The following PLS3 variants were observed in gnomAD, a reference collection of about 807,000 sequenced individuals.
PLS3 encodes plastin-3.
PLS3 carries 11 observed loss-of-function variants against 46.5 expected under a neutral mutation model. The ratio of observed to expected loss-of-function variants is 0.24; its 90% CI spans 0.15 to 0.39. The LOEUF (loss-of-function observed/expected upper bound fraction) is 0.39. Among genes scored for constraint, PLS3 ranks in the 10% least tolerant of loss-of-function variants. The pLI, the probability that PLS3 is intolerant of heterozygous loss-of-function variation, is 1.00. For missense variants in PLS3, 308 were observed against 461.8 expected, an observed-to-expected ratio of 0.67 and a Z score of 3.05; for synonymous variants, 167 against 162.2, an observed-to-expected ratio of 1.03 and a Z score of -0.22.
In PLS3 at chrX:115,579,263, T is replaced by G. The variant is rs141908115; in HGVS notation, c.-9+18003T>G. 3.6e-4 allele frequency among the ~76,000 whole-genome samples: 41 copies of G among 112,441 alleles called. 1 individual carries two copies. In the East Asian group the frequency reaches 0.01, roughly 28 times the overall value. The stretch of plus-strand genomic sequence containing the variant: ...GTCAATACCTCGTTCCTTTTCATTG[T>G]TGAATAGTATTCCATGGTGTGTATG... On this transcript the variant is annotated intron_variant, in intron 1 of 15. Coordinates refer to ENST00000355899, the MANE Select transcript of PLS3 (RefSeq NM_005032.7).
chrX:115,611,628 A>G (rs2074549566), intron 2 of PLS3, among the ~76,000 whole-genome samples: 1 of 112,082 alleles, frequency 8.9e-6, no homozygotes, highest in Admixed American at 9.5e-5. Context: ...ACCATGCCTT[A>G]TTAAGTACTC....
chrX:115,625,932 A>C (rs782121256), intron 3 of PLS3, among the ~76,000 whole-genome samples: 24 of 112,482 alleles, frequency 2.1e-4, no homozygotes, highest in African/African-American at 7.7e-4. Context: ...CGGAGACTGA[A>C]AAAGATGTAT....
rs1365563291 is a variant in PLS3, at chrX:115,579,560, A to C, written c.-9+18300A>C. Among the ~76,000 whole-genome samples the C allele has an allele frequency of 1.8e-4, 20 of 111,933 alleles. No homozygotes were observed. In the Admixed American group the frequency reaches 1.8e-3, roughly 10 times the overall value. On this transcript the variant is annotated intron_variant, in intron 1 of 15. Coordinates refer to ENST00000355899, the MANE Select transcript of PLS3 (RefSeq NM_005032.7). ...GATCCAGTTTTTCCACATCCTTGCC[A>C]GCCTTTGGTGGTGTCACTGTTTTTC... is the stretch of plus-strand genomic sequence containing the variant.
In PLS3 at chrX:115,635,024, C is replaced by T; in HGVS notation, c.726C>T (p.Asp242=). The change falls in exon 7 of 16, where the codon GAC becomes GAT. Residue 242 remains aspartate, a synonymous_variant. Transcript: ENST00000355899. The part of the protein sequence containing the change: ...WQIIKIGLFA[D]IELSRNEALA... ...TCATTAAGATCGGTTTGTTCGCTGA[C>T]ATTGAATTAAGCAGGAATGAAGGTA... 8.3e-7 allele frequency: 1 copy of T among 1,207,741 alleles called. No homozygotes were observed. The highest frequency in any genetic ancestry group is 1.1e-6 in the Non-Finnish European group (1 of 893,347).
chrX:115,640,264 G>T, intron 8 of PLS3, 144 bp from the exon 9 acceptor site: 1 of 625,854 alleles, frequency 1.6e-6, no homozygotes, highest in South Asian at 2.8e-5. Flanking sequence ...CTTTTCTGGG[G>T]AAAACACCTG....
chrX:115,563,194 A>G (rs1556629762), intron 1 of PLS3, among the ~76,000 whole-genome samples: 1 of 111,966 alleles, frequency 8.9e-6, no homozygotes, highest in Non-Finnish European at 1.9e-5. Context: ...CCTATATTCT[A>G]ATTGAACTGT....
intron 3 of PLS3, among the ~76,000 whole-genome samples, chrX:115,625,130 T>C (rs781941879): frequency 2.7e-4 from 30 of 111,952 alleles, no homozygotes; most frequent in African/African-American, 8.7e-4. Flanking sequence ...GGGTAGAGCT[T>C]AGTTATCCAA....
chrX:115,648,621 T>C (rs1377746958), intron 15 of PLS3, among the ~76,000 whole-genome samples: 1 of 111,147 alleles, frequency 9.0e-6, no homozygotes, highest in Non-Finnish European at 1.9e-5. Context: ...CCTTACTAGT[T>C]AGACATTGAA....
chrX:115,574,655 C>T lies in PLS3; in HGVS notation c.-9+13395C>T, dbSNP rs192824849. Among the ~76,000 whole-genome samples the T allele has an allele frequency of 9.0e-5, 10 of 110,944 alleles. No homozygotes were observed. The East Asian group carries it at 2.9e-3, about 32-fold the overall frequency. ...AGTGCAATGGCACGATCTCGGCTCA[C>T]CGTAACCTCCGCCTCCCAGATTCAA... On this transcript the variant is annotated intron_variant, in intron 1 of 15. Coordinates refer to ENST00000355899, the MANE Select transcript of PLS3 (RefSeq NM_005032.7).
intron 7 of PLS3, 88 bp from the exon 8 acceptor site, chrX:115,636,748 A>T (rs896538947): frequency 5.6e-5 from 47 of 836,434 alleles, no homozygotes; most frequent in Middle Eastern, 3.1e-4. Context: ...CACCTCTATT[A>T]CTTAACAGTG....
At chrX:115,636,539 A>G (rs1257189357) in intron 7 of PLS3, among the ~76,000 whole-genome samples, 1 of 112,061 alleles carries the variant, frequency 8.9e-6, no homozygotes, top group African/African-American at 3.2e-5. Context: ...TTAAATAAGA[A>G]CAACTTATAC....
intron 5 of PLS3, among the ~76,000 whole-genome samples, chrX:115,631,484 A>G (rs1290734886): frequency 9.0e-6 from 1 of 111,132 alleles, no homozygotes; most frequent in Non-Finnish European, 1.9e-5. Context: ...GCTCACGCCC[A>G]GCCCTTTGGG....
At chrX:115,626,969 C>T (rs1028672060) in intron 3 of PLS3, among the ~76,000 whole-genome samples, 3 of 109,522 alleles carry the variant, frequency 2.7e-5, no homozygotes, top group African/African-American at 1.0e-4. Flanking sequence ...ATGCCTCAGC[C>T]TCCCAAGTAG....
At chrX:115,596,884 C>A (rs782258120) in intron 1 of PLS3, among the ~76,000 whole-genome samples, 12 of 108,722 alleles carry the variant, frequency 1.1e-4, no homozygotes, top group Non-Finnish European at 1.5e-4. Flanking sequence ...GTGGCTCACT[C>A]CTGTAATCCC....
At chrX:115,625,834 T>G (rs2074705145) in intron 3 of PLS3, among the ~76,000 whole-genome samples, 1 of 111,509 alleles carries the variant, frequency 9.0e-6, no homozygotes, top group Non-Finnish European at 1.9e-5. Context: ...AACTCTGGGG[T>G]CAAAAGAAGT....
chrX:115,614,459 A>G (rs1191266681), intron 2 of PLS3: 3 of 749,916 alleles, frequency 4.0e-6, no homozygotes, highest in Non-Finnish European at 4.7e-6. Flanking sequence ...ATTCTAAAGC[A>G]GCAACCTCCA....
intron 1 of PLS3, among the ~76,000 whole-genome samples, chrX:115,570,503 CTTT>C (rs1166812329): frequency 1.2e-5 from 1 of 86,946 alleles, no homozygotes; most frequent in Non-Finnish European, 2.2e-5. Flanking sequence ...TCCTACCTTC[CTTT>C]TTTTTTTTTT....
chrX:115,646,283 A>T, intron 12 of PLS3, 97 bp downstream of exon 12: 1 of 916,689 alleles, frequency 1.1e-6, no homozygotes, highest in Non-Finnish European at 1.6e-6. Flanking sequence ...CTTCTTGAGG[A>T]CAAAACTGTG....
intron 1 of PLS3, among the ~76,000 whole-genome samples, chrX:115,572,820 C>T (rs2074224054): frequency 9.1e-6 from 1 of 110,393 alleles, no homozygotes; most frequent in African/African-American, 3.3e-5. Context: ...TAGACCGTGC[C>T]CGGTGGTTCA....
Sources: gnomAD v4.1 joint callset for allele counts (sites outside exome capture counted in the v4.1 genomes callset) on GRCh38, gnomAD v4.1.1 for gene constraint, MANE v1.5 for transcripts, NCBI Gene and HGNC (gene_info 2026-07-23, HGNC 2026-07-21) for gene names.